The following ACTN2 variants were observed in gnomAD, a reference collection of about 807,000 sequenced individuals.
The protein encoded by ACTN2 is alpha-actinin-2.
In ACTN2, 39 loss-of-function variants were observed where a neutral mutation model predicts 113.8. The ratio of observed to expected loss-of-function variants is 0.34; its 90% CI spans 0.27 to 0.45. The LOEUF (loss-of-function observed/expected upper bound fraction) is 0.45. ACTN2 is among the 20% of genes least tolerant of loss of function. The pLI is 1.00. For missense variants in ACTN2, 992 were observed against 1,177.9 expected (o/e 0.84, Z 2.31); for synonymous variants, 429 against 444.1 (o/e 0.97, Z 0.43).
intron 1 of ACTN2, among the ~76,000 whole-genome samples, chr1:236,696,635 A>T (rs574439135): frequency 6.6e-6 from 1 of 151,634 alleles, no homozygotes; most frequent in East Asian, 1.9e-4. Flanking sequence ...CTTTATTTCA[A>T]CCCAAACAAC....
intron 1 of ACTN2, among the ~76,000 whole-genome samples, chr1:236,711,077 T>A (rs1323117132): frequency 6.6e-6 from 1 of 152,226 alleles, no homozygotes; most frequent in African/African-American, 2.4e-5. Flanking sequence ...GGGAACGTGG[T>A]GCCCAGGAGA....
At chr1:236,727,789 C>T in intron 6 of ACTN2, 33 bp downstream of exon 6, 1 of 1,601,712 alleles carries the variant, frequency 6.2e-7, no homozygotes, top group South Asian at 1.1e-5. Flanking sequence ...GCAGTGTCCC[C>T]AGCCACGCGT....
chr1:236,710,528 C>A (rs1657992492), intron 1 of ACTN2, among the ~76,000 whole-genome samples: 1 of 152,208 alleles, frequency 6.6e-6, no homozygotes, highest in African/African-American at 2.4e-5. Flanking sequence ...TTCTGGAAAA[C>A]CCCTTCAACT....
In ACTN2 at chr1:236,686,839, C is replaced by T. The variant is rs768599300; in HGVS notation, c.126+40C>T. ...GCGGGCCGCCCGCGCGTGGTGGGGC[C>T]GGGTCCCCCGCGGGGCTCCCGTGCG... On this transcript the variant is annotated intron_variant, in intron 1 of 20. Transcript: ENST00000366578. The T allele has an allele frequency of 5.8e-6, 8 of 1,385,830 alleles. No homozygotes were observed. The South Asian group carries it at 1.4e-4, about 24-fold the overall frequency. 85.8% of individuals were successfully genotyped at this position (1,385,830 alleles called of 1,614,324 possible).
At chr1:236,719,165 G>A in intron 3 of ACTN2, 152 bp downstream of exon 3, 1 of 1,068,012 alleles carries the variant, frequency 9.4e-7, no homozygotes, top group Non-Finnish European at 1.4e-6. Context: ...GGTGCACAAA[G>A]ATAAGAACAA....
chr1:236,716,042 A>G (rs542113123), intron 1 of ACTN2, among the ~76,000 whole-genome samples: 2 of 151,524 alleles, frequency 1.3e-5, no homozygotes. Flanking sequence ...CATAATTGTT[A>G]GTTTAGGCTC....
chr1:236,710,905 C>T (rs1325197970), intron 1 of ACTN2, among the ~76,000 whole-genome samples: 1 of 152,094 alleles, frequency 6.6e-6, no homozygotes, highest in Non-Finnish European at 1.5e-5. Context: ...ACCCCCCACC[C>T]GTGGAAAAAT....
At chr1:236,695,568 C>T (rs1327301249) in intron 1 of ACTN2, among the ~76,000 whole-genome samples, 1 of 104,510 alleles carries the variant, frequency 9.6e-6, no homozygotes, top group Non-Finnish European at 1.8e-5. Context: ...TGAGTTCCCC[C>T]CCCCTGCCCA....
chr1:236,747,836 C>A, intron 13 of ACTN2, 61 bp downstream of exon 13: 1 of 1,247,578 alleles, frequency 8.0e-7, no homozygotes, highest in Non-Finnish European at 1.2e-6. Context: ...TTAATTAAAT[C>A]ACTGGTATTC....
At chr1:236,693,874 C>T (rs1040972732) in intron 1 of ACTN2, among the ~76,000 whole-genome samples, 1 of 152,190 alleles carries the variant, frequency 6.6e-6, no homozygotes, top group Non-Finnish European at 1.5e-5. Context: ...GGAGAGAGTT[C>T]AAGCCTCTTA....
At chr1:236,718,787 T>C (rs1658295894) in intron 2 of ACTN2, 107 bp from the exon 3 acceptor site, 2 of 1,503,846 alleles carry the variant, frequency 1.3e-6, no homozygotes, top group Admixed American at 1.7e-5. Flanking sequence ...AATAGTCATG[T>C]AACCTTCTCT....
At chr1:236,715,093 G>A (rs532413560) in intron 1 of ACTN2, among the ~76,000 whole-genome samples, 2 of 152,210 alleles carry the variant, frequency 1.3e-5, no homozygotes, top group African/African-American at 4.8e-5. Flanking sequence ...GGTAGCCAAG[G>A]AACAAAGGTG....
chr1:236,742,144 C>A (rs1659088512), intron 10 of ACTN2, among the ~76,000 whole-genome samples: 1 of 152,190 alleles, frequency 6.6e-6, no homozygotes, highest in Non-Finnish European at 1.5e-5. Context: ...GCCACAGGGA[C>A]CACCCTGACG....
chr1:236,753,669 C>T (rs1283695550), intron 15 of ACTN2, among the ~76,000 whole-genome samples: 3 of 152,122 alleles, frequency 2.0e-5, no homozygotes, highest in African/African-American at 7.2e-5. Flanking sequence ...GGTCGCTGCT[C>T]CTAATGCAGG....
chr1:236,733,607 ACTTGGCCACCT>A (rs778203330), intron 7 of ACTN2, among the ~76,000 whole-genome samples: 5 of 152,204 alleles, frequency 3.3e-5, no homozygotes, highest in Non-Finnish European at 7.3e-5. Flanking sequence ...ACAGTTCTGA[ACTTGGCCACCT>A]AGCGTGTAGA....
chr1:236,686,544 C>G lies in ACTN2; in HGVS notation c.-130C>G. On this transcript the variant is annotated 5_prime_UTR_variant, in exon 1 of 21. Coordinates refer to ENST00000366578, the MANE Select transcript of ACTN2 (RefSeq NM_001103.4). ...GACCCAGCGCCCAGGCGTGTCGCCC[C>G]GAGAGGAGCCGCGCGAAGGTCACCC... 14 of 1,131,812 alleles carry G rather than the reference C, an allele frequency of 1.2e-5. No homozygotes were observed. Among genetic ancestry groups the G allele is most frequent in the Non-Finnish European group, 1.6e-5 (14 of 879,740 alleles). The allele number at this position is 1,131,812 out of a possible 1,614,324, so 70.1% of individuals were successfully genotyped here. A position where few individuals can be genotyped will look rare whatever the true frequency, so the allele number is the denominator to read the frequency against.
chr1:236,721,015 G>GGTTTTTGTTTTTTTTTTT, intron 4 of ACTN2, among the ~76,000 whole-genome samples: 71 of 49,168 alleles, frequency 1.4e-3, no homozygotes, highest in African/African-American at 4.2e-3. Flanking sequence ...TCTGGTTTTT[G>GGTTTTTGTTTTTTTTTTT]TTTTTTGTTT....
At chr1:236,715,954 A>C (rs2102890287) in intron 1 of ACTN2, among the ~76,000 whole-genome samples, 1 of 152,272 alleles carries the variant, frequency 6.6e-6, no homozygotes, top group South Asian at 2.1e-4. Context: ...CGTCTCAAAA[A>C]ATAAAAATAA....
chr1:236,709,255 T>TATATATATATAC (rs796606511), intron 1 of ACTN2, among the ~76,000 whole-genome samples: 4 of 68,904 alleles, frequency 5.8e-5, no homozygotes, highest in African/African-American at 2.1e-4. Context: ...TATATATATA[T>TATATATATATAC]ACACACACAC....
Sources: gnomAD v4.1 joint callset for allele counts (sites outside exome capture counted in the v4.1 genomes callset) on GRCh38, gnomAD v4.1.1 for gene constraint, MANE v1.5 for transcripts, NCBI Gene and HGNC (gene_info 2026-07-23, HGNC 2026-07-21) for gene names.